Variants in AKAP10 observed in about 807,000 individuals in gnomAD.
AKAP10 encodes A-kinase anchor protein 10, mitochondrial.
AKAP10 carries 24 observed loss-of-function variants against 80.8 expected under a neutral mutation model. That is an observed-to-expected ratio of 0.30 (90% CI 0.22 to 0.42). AKAP10 has a LOEUF of 0.42. Ranked by LOEUF, AKAP10 falls within the 10% of genes least tolerant of loss-of-function variation. The probability of loss-of-function intolerance (pLI) is 1.00; values close to 1 mark genes in which losing one functional copy is unlikely to be tolerated. For missense variants in AKAP10, 661 were observed against 794.9 expected, an observed-to-expected ratio of 0.83 and a Z score of 2.03; for synonymous variants, 291 against 277.7, an observed-to-expected ratio of 1.05 and a Z score of -0.48.
At chr17:19,930,305 T>C (rs1431805050) in intron 10 of AKAP10, among the ~76,000 whole-genome samples, 1 of 152,126 alleles carries the variant, frequency 6.6e-6, no homozygotes, top group African/African-American at 2.4e-5. Context: ...ACTGTGTGAG[T>C]TTAATAAAAC....
intron 8 of AKAP10, among the ~76,000 whole-genome samples, chr17:19,937,275 G>A (rs1002854862): frequency 1.3e-5 from 2 of 152,210 alleles, no homozygotes; most frequent in African/African-American, 2.4e-5. Context: ...GCAGTGGTGG[G>A]TGGATCACTT....
chr17:19,914,628 C>CAAAAAAAA (rs36071856), intron 12 of AKAP10, among the ~76,000 whole-genome samples: 8 of 58,236 alleles, frequency 1.4e-4, no homozygotes, highest in African/African-American at 2.5e-4. Flanking sequence ...GACCCTATCT[C>CAAAAAAAA]AAAAAAAAAA....
chr17:19,917,132 G>A (rs2042753555), intron 12 of AKAP10, among the ~76,000 whole-genome samples: 1 of 151,456 alleles, frequency 6.6e-6, no homozygotes, highest in Admixed American at 6.6e-5. Context: ...GGGCGTGGTG[G>A]TGGACACCTG....
chr17:19,951,110 C>T (rs1300131840), intron 4 of AKAP10, among the ~76,000 whole-genome samples: 2 of 149,362 alleles, frequency 1.3e-5, no homozygotes, highest in Non-Finnish European at 3.0e-5. Context: ...CCCCTCAGCC[C>T]GGCAGCCGCC....
intron 10 of AKAP10, 82 bp downstream of exon 10, chr17:19,931,723 A>C: frequency 6.9e-7 from 1 of 1,445,566 alleles, no homozygotes; most frequent in African/African-American, 1.4e-5. Flanking sequence ...TAAAATTTAC[A>C]AATAATAGGA....
chr17:19,936,375 C>G lies in AKAP10; in HGVS notation c.1378G>C (p.Glu460Gln). ...PLGFDDVVRLEIESNICREGG... is the reference protein window; with the variant it reads ...PLGFDDVVRLQIESNICREGG... Reference sequence around the variant, plus strand: ...TCCCTGCAGATATTGGATTCAATTTCTAATCGTACAACATCATCAAATCCA... The same window carrying G: ...TCCCTGCAGATATTGGATTCAATTTGTAATCGTACAACATCATCAAATCCA... The change falls in exon 9 of 15, where the codon GAA (glutamate) becomes CAA (glutamine). Residue 460 changes from glutamate (E) to glutamine (Q), a missense_variant. Coordinates refer to ENST00000225737, the MANE Select transcript of AKAP10 (RefSeq NM_007202.4). The G allele has an allele frequency of 6.2e-7, 1 of 1,613,684 alleles. No homozygotes were observed. Among genetic ancestry groups the G allele is most frequent in the Non-Finnish European group, 8.5e-7 (1 of 1,179,694 alleles).
chr17:19,965,169 C>G (rs966933106), intron 2 of AKAP10, among the ~76,000 whole-genome samples: 1 of 152,184 alleles, frequency 6.6e-6, no homozygotes, highest in Non-Finnish European at 1.5e-5. Context: ...TCATCTGATT[C>G]TCCTCTCAAT....
intron 1 of AKAP10, among the ~76,000 whole-genome samples, chr17:19,972,865 C>A (rs960777126): frequency 1.3e-5 from 2 of 152,208 alleles, no homozygotes; most frequent in African/African-American, 4.8e-5. Context: ...GTTCCCCCTA[C>A]CTGTTCTTCT....
Position 19,958,018 on chromosome 17 carries a change from C to T in AKAP10, c.873G>A (p.Met291Ile), listed in dbSNP as rs1238527682. The T allele has an allele frequency of 6.2e-7, 1 of 1,607,618 alleles. No individual in the cohort carries two copies. The change falls in exon 4 of 15, where the codon ATG (methionine) becomes ATA (isoleucine). Residue 291 changes from methionine to isoleucine, a missense_variant. Met to Ile is a conservative substitution (Grantham distance 10). Coordinates refer to ENST00000225737, the MANE Select transcript of AKAP10 (RefSeq NM_007202.4). Reference sequence around the variant, plus strand: ...ACAAGAAAATCACATACTCACTTTTCATTAGTTTTCCTGACAATTCTTTTA... The same window carrying T: ...ACAAGAAAATCACATACTCACTTTTTATTAGTTTTCCTGACAATTCTTTTA... ...SPLKELSGKL[M>I]KSIEQDAVNT...
Position 19,938,070 on chromosome 17 carries a change from A to T in AKAP10, c.1323-1640T>A, listed in dbSNP as rs116869058. Among the ~76,000 whole-genome samples, 36 of 143,322 alleles carry T rather than the reference A, an allele frequency of 2.5e-4. No individual in the cohort carries two copies. The East Asian group carries it at 6.7e-3, about 27-fold the overall frequency. 94.0% of individuals were successfully genotyped at this position (143,322 alleles called of 152,430 possible). A position where few individuals can be genotyped will look rare whatever the true frequency, so the allele number is the denominator to read the frequency against. On this transcript the variant is annotated intron_variant, in intron 8 of 14. Coordinates refer to ENST00000225737, the MANE Select transcript of AKAP10 (RefSeq NM_007202.4). ...CTCCCTAGTAGCTGGGATTATAGGC[A>T]CCCGTCAAAATGCCCAGTTAATTTT...
chr17:19,961,328 C>T (rs947620698), intron 3 of AKAP10, among the ~76,000 whole-genome samples: 5 of 151,124 alleles, frequency 3.3e-5, no homozygotes, highest in Admixed American at 2.0e-4. Context: ...CTCCAGCCTG[C>T]GCAACAGAGT....
intron 10 of AKAP10, among the ~76,000 whole-genome samples, chr17:19,928,156 C>T (rs752892000): frequency 2.0e-5 from 3 of 151,818 alleles, no homozygotes; most frequent in Non-Finnish European, 2.9e-5. Flanking sequence ...ACACAGGAGG[C>T]GGAGGTTGCA....
rs1001963629 is a variant in AKAP10 at position 19,953,005 on chromosome 17, TA to T, written c.877+5008del. Among the ~76,000 whole-genome samples, 5 of 152,270 alleles carry T rather than the reference TA, an allele frequency of 3.3e-5. No individual in the cohort carries two copies. In the East Asian group the frequency reaches 7.7e-4, roughly 23 times the overall value. On this transcript the variant is annotated intron_variant, in intron 4 of 14. Coordinates refer to ENST00000225737, the MANE Select transcript of AKAP10 (RefSeq NM_007202.4). ...TACTGTATGTGGTATATTCACATTTTAAAAAATTTTTTAATGTTATTTTTAA... is the reference window on the plus strand; with the variant it reads ...TACTGTATGTGGTATATTCACATTTTAAAAATTTTTTAATGTTATTTTTAA...
intron 4 of AKAP10, among the ~76,000 whole-genome samples, chr17:19,951,163 C>T (rs1378621622): frequency 1.1e-5 from 1 of 94,888 alleles, no homozygotes; most frequent in Admixed American, 1.2e-4. Flanking sequence ...CCCGGCCAGC[C>T]GCCCCATCTG....
intron 5 of AKAP10, among the ~76,000 whole-genome samples, chr17:19,944,138 G>A (rs1260334357): frequency 6.6e-6 from 1 of 151,982 alleles, no homozygotes; most frequent in Non-Finnish European, 1.5e-5. Flanking sequence ...CAACTCACCT[G>A]CATCTCTACC....
intron 5 of AKAP10, among the ~76,000 whole-genome samples, chr17:19,946,267 AT>A (rs1242106190): frequency 3.7e-4 from 10 of 27,070 alleles, no homozygotes; most frequent in Non-Finnish European, 6.1e-4. Context: ...ATATATATAT[AT>A]ATATATATTT....
At chr17:19,943,424 T>C (rs1370685808) in intron 5 of AKAP10, among the ~76,000 whole-genome samples, 1 of 152,154 alleles carries the variant, frequency 6.6e-6, no homozygotes. Context: ...CAATCATGCC[T>C]ATATAATGAA....
chr17:19,939,899 C>G (rs1379141337), intron 7 of AKAP10, 50 bp from the exon 8 acceptor site: 3 of 1,558,184 alleles, frequency 1.9e-6, no homozygotes, highest in Non-Finnish European at 1.7e-6. Context: ...ACAGATTTCT[C>G]TCACAATCTC....
At chr17:19,906,824 C>T (rs949435084) in intron 14 of AKAP10, among the ~76,000 whole-genome samples, 1 of 152,114 alleles carries the variant, frequency 6.6e-6, no homozygotes, top group Admixed American at 6.6e-5. Context: ...AGTATTCCTT[C>T]GCAGGCCTAG....
Sources: gnomAD v4.1 joint callset for allele counts (sites outside exome capture counted in the v4.1 genomes callset) on GRCh38, gnomAD v4.1.1 for gene constraint, MANE v1.5 for transcripts, NCBI Gene and HGNC (gene_info 2026-07-23, HGNC 2026-07-21) for gene names.